The following FSTL5 variants were observed in gnomAD, a reference collection of about 807,000 sequenced individuals.
FSTL5 encodes the protein follistatin-related protein 5.
Under a neutral mutation model 89.1 loss-of-function variants are expected in FSTL5, and 62 were observed. That is an observed-to-expected ratio of 0.70 (90% confidence interval 0.57 to 0.86). FSTL5 has a LOEUF of 0.86. Among genes scored for constraint, FSTL5 ranks in the 40% least tolerant of loss-of-function variants. FSTL5 has a pLI of 0.00. For synonymous variants in FSTL5, 383 were observed against 346.2 expected (o/e 1.11, Z -1.18); for missense variants, 1,057 against 1,001.6 (o/e 1.06, Z -0.75).
At chr4:161,434,850 C>A (rs1358400025) in intron 15 of FSTL5, among the ~76,000 whole-genome samples, 1 of 151,820 alleles carries the variant, frequency 6.6e-6, no homozygotes, top group Non-Finnish European at 1.5e-5. Flanking sequence ...ATCAGAGAAA[C>A]GCAAATCAAC....
intron 4 of FSTL5, among the ~76,000 whole-genome samples, chr4:161,779,159 T>C (rs1741528881): frequency 2.0e-5 from 3 of 152,192 alleles, no homozygotes; most frequent in Non-Finnish European, 4.4e-5. Flanking sequence ...TTTGATCTAA[T>C]CTAGTCAGTG....
intron 12 of FSTL5, among the ~76,000 whole-genome samples, chr4:161,497,677 T>C (rs946862489): frequency 2.0e-5 from 3 of 152,032 alleles, no homozygotes; most frequent in Non-Finnish European, 4.4e-5. Flanking sequence ...TTGAAGTATA[T>C]GTTTCTAGAA....
intron 6 of FSTL5, among the ~76,000 whole-genome samples, chr4:161,753,431 T>A (rs983931975): frequency 1.3e-5 from 2 of 152,206 alleles, no homozygotes; most frequent in Non-Finnish European, 2.9e-5. Context: ...AAGTTAATTC[T>A]GTTCATAAGT....
At chr4:161,844,828 T>A (rs1025523351) in intron 4 of FSTL5, among the ~76,000 whole-genome samples, 7 of 152,028 alleles carry the variant, frequency 4.6e-5, no homozygotes. Flanking sequence ...AAATACCTAA[T>A]GTAGATGACA....
intron 4 of FSTL5, among the ~76,000 whole-genome samples, chr4:161,786,650 C>A (rs1741914504): frequency 6.6e-6 from 1 of 152,048 alleles, no homozygotes; most frequent in Non-Finnish European, 1.5e-5. Context: ...TCAAGTAAGA[C>A]TTGGTTCTGG....
chr4:161,895,183 G>A (rs964691398), intron 4 of FSTL5, among the ~76,000 whole-genome samples: 5 of 152,034 alleles, frequency 3.3e-5, no homozygotes, highest in Non-Finnish European at 5.9e-5. Context: ...ACTTACTCTC[G>A]TGCCCCTTGT....
intron 4 of FSTL5, among the ~76,000 whole-genome samples, chr4:161,785,134 C>T (rs929920176): frequency 4.6e-5 from 7 of 152,056 alleles, no homozygotes; most frequent in Admixed American, 2.0e-4. Context: ...TTCGACTTTA[C>T]GTGAAGATCT....
At chr4:161,636,460 CT>C (rs67780564) in intron 7 of FSTL5, among the ~76,000 whole-genome samples, 65,535 of 121,486 alleles carry the variant, frequency 0.54, 14,449 homozygotes, top group Non-Finnish European at 0.59. Context: ...TTTTTTTTTT[CT>C]TTTTTTTTTT....
chr4:162,095,890 T>C (rs1730731521), intron 2 of FSTL5, among the ~76,000 whole-genome samples: 1 of 151,974 alleles, frequency 6.6e-6, no homozygotes, highest in South Asian at 2.1e-4. Flanking sequence ...TCAAGCATTT[T>C]AAACAAGTAC....
intron 8 of FSTL5, among the ~76,000 whole-genome samples, chr4:161,586,738 C>T (rs563927630): frequency 1.3e-5 from 2 of 152,070 alleles, no homozygotes; most frequent in Non-Finnish European, 2.9e-5. Context: ...TGTGATCTGC[C>T]CCAAGGCTAC....
At chr4:161,430,523 G>A (rs1472172086) in intron 15 of FSTL5, among the ~76,000 whole-genome samples, 2 of 152,190 alleles carry the variant, frequency 1.3e-5, no homozygotes, top group African/African-American at 2.4e-5. Flanking sequence ...GGTGGATCAC[G>A]AGGTCAGGAG....
intron 1 of FSTL5, among the ~76,000 whole-genome samples, chr4:162,144,497 A>G (rs1317779741): frequency 1.3e-5 from 2 of 152,132 alleles, no homozygotes; most frequent in Non-Finnish European, 2.9e-5. Flanking sequence ...GATGCATGCA[A>G]TCACTCAAAT....
At chr4:161,880,079 A>G (rs987452350) in intron 4 of FSTL5, among the ~76,000 whole-genome samples, 2 of 152,114 alleles carry the variant, frequency 1.3e-5, no homozygotes. Flanking sequence ...CATGTTTTCC[A>G]TACATTCACA....
chr4:161,891,528 C>G (rs1055320537), intron 4 of FSTL5, among the ~76,000 whole-genome samples: 6 of 152,048 alleles, frequency 3.9e-5, no homozygotes, highest in Non-Finnish European at 8.8e-5. Context: ...AAAATCACGT[C>G]TCATAAGATA....
At chr4:162,006,615 A>G (rs1454018109) in intron 3 of FSTL5, among the ~76,000 whole-genome samples, 2 of 151,964 alleles carry the variant, frequency 1.3e-5, no homozygotes, top group Non-Finnish European at 2.9e-5. Context: ...GTAACAAGAA[A>G]AATTTCAATT....
intron 6 of FSTL5, among the ~76,000 whole-genome samples, chr4:161,664,294 G>A (rs190903495): frequency 2.0e-5 from 3 of 152,124 alleles, no homozygotes; most frequent in Non-Finnish European, 4.4e-5. Context: ...TTTCCAAATT[G>A]TATGCTCAGT....
intron 8 of FSTL5, among the ~76,000 whole-genome samples, chr4:161,558,066 A>G (rs1732453374): frequency 6.6e-6 from 1 of 151,920 alleles, no homozygotes; most frequent in Non-Finnish European, 1.5e-5. Context: ...AGAGCTATGA[A>G]CTGTGGATAT....
intron 4 of FSTL5, among the ~76,000 whole-genome samples, chr4:161,914,665 C>T (rs1579189850): frequency 6.6e-6 from 1 of 152,056 alleles, no homozygotes. Flanking sequence ...AAATTGATCA[C>T]CACCAATTAG....
At chr4:161,420,463 T>C (rs1338946832) in intron 15 of FSTL5, among the ~76,000 whole-genome samples, 1 of 152,168 alleles carries the variant, frequency 6.6e-6, no homozygotes, top group Non-Finnish European at 1.5e-5. Flanking sequence ...GAGGGTTGTT[T>C]TCTTTCCTCT....
Sources: allele counts gnomAD v4.1 joint callset (sites outside exome capture counted in the v4.1 genomes callset), GRCh38; gene constraint gnomAD v4.1.1; transcripts MANE v1.5; gene names NCBI Gene and HGNC (gene_info 2026-07-23, HGNC 2026-07-21).